Variants in CNMD observed in about 807,000 individuals in gnomAD.
CNMD encodes the protein chondromodulin, also known as leukocyte cell-derived chemotaxin 1.
Under a neutral mutation model 37.5 loss-of-function variants are expected in CNMD, and 30 were observed. That is an observed-to-expected ratio of 0.80 (90% CI 0.60 to 1.09). CNMD has a LOEUF of 1.09. Ranked by LOEUF, CNMD falls within the 50% of genes least tolerant of loss-of-function variation. The pLI is 0.00. For missense variants in CNMD, 398 were observed against 423.9 expected (o/e 0.94, Z 0.54); for synonymous variants, 167 against 148.2 (o/e 1.13, Z -0.92).
intron 4 of CNMD, among the ~76,000 whole-genome samples, chr13:52,713,521 C>T (rs927313308): frequency 2.0e-5 from 3 of 152,274 alleles, no homozygotes; most frequent in African/African-American, 7.2e-5. Context: ...TTGTTCCTTT[C>T]GTGTACTTAT....
At chr13:52,710,738 G>A (rs1188871300) in intron 5 of CNMD, among the ~76,000 whole-genome samples, 1 of 152,100 alleles carries the variant, frequency 6.6e-6, no homozygotes, top group Non-Finnish European at 1.5e-5. Flanking sequence ...TTTCTAATCT[G>A]GGGGCATTGA....
At chr13:52,736,846 G>T (rs1262607275) in intron 2 of CNMD, among the ~76,000 whole-genome samples, 1 of 152,108 alleles carries the variant, frequency 6.6e-6, no homozygotes, top group African/African-American at 2.4e-5. Flanking sequence ...CACAGGGTGG[G>T]GTTGTCAGTT....
rs530862766 is a variant in CNMD, at chr13:52,739,810, C to T, written c.-109G>A. On this transcript the variant is annotated 5_prime_UTR_variant, in exon 1 of 7. It adds an upstream start codon to the 5' untranslated region. Coordinates refer to ENST00000377962, the MANE Select transcript of CNMD (RefSeq NM_007015.3). This position sits in a 1 kb window ranked among gnomAD's most constrained non-coding sequence, Gnocchi z 5.4. Reference sequence around the variant, plus strand: ...CAACGCCGCGCGCACACACGGTGCACGGTCCCGCCTGGGCCAGCCCAGCGG... The same window carrying T: ...CAACGCCGCGCGCACACACGGTGCATGGTCCCGCCTGGGCCAGCCCAGCGG... 5.4e-6 allele frequency: 5 copies of T among 932,734 alleles called. No individual in the cohort carries two copies. The highest frequency in any genetic ancestry group is 8.5e-6 in the Non-Finnish European group (5 of 590,544). 57.8% of individuals were successfully genotyped at this position (932,734 alleles called of 1,614,324 possible). A position where few individuals can be genotyped will look rare whatever the true frequency, so the allele number is the denominator to read the frequency against.
At chr13:52,727,901 G>A (rs572310777) in intron 3 of CNMD, among the ~76,000 whole-genome samples, 8 of 152,238 alleles carry the variant, frequency 5.3e-5, no homozygotes, top group Admixed American at 6.5e-5. Flanking sequence ...GCAGAGTGGG[G>A]TGACTATAGT....
At chr13:52,704,963 G>A (rs533227145) in intron 6 of CNMD, among the ~76,000 whole-genome samples, 1 of 152,256 alleles carries the variant, frequency 6.6e-6, no homozygotes, top group African/African-American at 2.4e-5. Context: ...GGAGGCTGAG[G>A]CAGGAGAATC....
intron 2 of CNMD, among the ~76,000 whole-genome samples, chr13:52,735,229 G>A (rs1364941750): frequency 6.6e-6 from 1 of 152,166 alleles, no homozygotes; most frequent in Admixed American, 6.5e-5. Flanking sequence ...TCCTGCAGGT[G>A]AAGTTTGGAA....
intron 6 of CNMD, among the ~76,000 whole-genome samples, chr13:52,707,000 T>C (rs1328427862): frequency 6.6e-6 from 1 of 152,146 alleles, no homozygotes; most frequent in Non-Finnish European, 1.5e-5. Context: ...TTCAAGTGAT[T>C]CTCCTACCTC....
intron 3 of CNMD, among the ~76,000 whole-genome samples, chr13:52,724,417 CAAAAAAAAAA>C (rs71094319): frequency 3.5e-5 from 3 of 85,818 alleles, no homozygotes; most frequent in Admixed American, 1.6e-4. Context: ...ACTAAAAATA[CAAAAAAAAAA>C]AAAAAAAAAA....
intron 3 of CNMD, among the ~76,000 whole-genome samples, chr13:52,728,496 A>G (rs1428698768): frequency 1.3e-5 from 2 of 152,336 alleles, no homozygotes; most frequent in East Asian, 1.9e-4. Context: ...TAACAAGCCA[A>G]GTGATGCTCC....
At position 52,703,412 on chromosome 13, in the gene CNMD, C is replaced by T. The variant is rs1356370341; in HGVS notation, c.*183G>A. ...TTAGACTTGAACTACCCTTTCAGTA[C>T]ATTTGCATATACTAAAGTTCTGGAA... On this transcript the variant is annotated 3_prime_UTR_variant, in exon 7 of 7. Coordinates refer to ENST00000377962, the MANE Select transcript of CNMD (RefSeq NM_007015.3). The T allele has an allele frequency of 1.8e-5, 10 of 544,234 alleles. No homozygotes were observed. The South Asian group carries it at 1.9e-4, about 10-fold the overall frequency. 33.7% of individuals were successfully genotyped at this position (544,234 alleles called of 1,614,324 possible). A position where few individuals can be genotyped will look rare whatever the true frequency, so the allele number is the denominator to read the frequency against.
At chr13:52,704,627 A>G (rs1234562048) in intron 6 of CNMD, among the ~76,000 whole-genome samples, 1 of 152,098 alleles carries the variant, frequency 6.6e-6, no homozygotes, top group African/African-American at 2.4e-5. Context: ...TATTTTTAAT[A>G]TGGTATTGAA....
rs1312706301 is a variant in CNMD, at chr13:52,703,733, G to T, written c.867C>A (p.Ser289Arg). Residue 289 changes from serine to arginine, a missense_variant, in exon 7 of 7, where the codon AGC becomes AGA. Coordinates refer to ENST00000377962, the MANE Select transcript of CNMD (RefSeq NM_007015.3). ...EGICCIECRR[S>R]YTHCQKICEP... ...CACAGATCTTCTGGCAGTGGGTGTA[G>T]CTCCGCCTACATTCTATACAACAGA... The T allele has an allele frequency of 6.2e-7, 1 of 1,614,182 alleles. No homozygotes were observed. Among genetic ancestry groups the T allele is most frequent in the Non-Finnish European group, 8.5e-7 (1 of 1,180,010 alleles).
At position 52,739,508 on chromosome 13, in the gene CNMD, G is replaced by A. The variant is rs1964847405; in HGVS notation, c.72+122C>T. ...GGGCGACATCCCACCCACACATTTG[G>A]GACCCAAATTTATCCCCCCGCCAAC... On this transcript the variant is annotated intron_variant, in intron 1 of 6. Transcript: ENST00000377962. This position sits in a 1 kb window ranked among gnomAD's most constrained non-coding sequence, Gnocchi z 5.4. 1 of 906,520 alleles carries A rather than the reference G, an allele frequency of 1.1e-6. No individual in the cohort carries two copies. The highest frequency in any genetic ancestry group is 1.9e-5 in the Admixed American group (1 of 52,294). 56.2% of individuals were successfully genotyped at this position (906,520 alleles called of 1,614,324 possible).
intron 2 of CNMD, among the ~76,000 whole-genome samples, chr13:52,733,892 T>A (rs895738827): frequency 1.3e-5 from 2 of 152,318 alleles, no homozygotes; most frequent in East Asian, 1.9e-4. Context: ...AGGCATGCAG[T>A]GTCTCAGGTA....
chr13:52,725,908 G>A (rs74086021), intron 3 of CNMD, among the ~76,000 whole-genome samples: 2,345 of 152,328 alleles, frequency 0.015, 63 homozygotes, highest in African/African-American at 0.054. Context: ...CACAGAGCCA[G>A]GAGCCCTACA....
intron 2 of CNMD, 32 bp downstream of exon 2, chr13:52,738,999 G>C (rs757830909): frequency 3.9e-6 from 6 of 1,538,194 alleles, no homozygotes; most frequent in Non-Finnish European, 5.2e-6. Flanking sequence ...TGGGCGACAC[G>C]GGGGTCCCCG....
chr13:52,714,816 GCT>G (rs1362563951), intron 4 of CNMD, among the ~76,000 whole-genome samples: 50 of 152,046 alleles, frequency 3.3e-4, no homozygotes, highest in Admixed American at 3.0e-3. Context: ...ATTAGCATTA[GCT>G]TTTTGTGGAT....
At chr13:52,737,096 G>A (rs960087385) in intron 2 of CNMD, among the ~76,000 whole-genome samples, 24 of 152,168 alleles carry the variant, frequency 1.6e-4, no homozygotes, top group African/African-American at 5.3e-4. Flanking sequence ...TAGAGGAGCC[G>A]AGGCACAGAT....
intron 2 of CNMD, among the ~76,000 whole-genome samples, chr13:52,733,707 C>T (rs1027158479): frequency 6.6e-6 from 1 of 152,102 alleles, no homozygotes; most frequent in Admixed American, 6.6e-5. Flanking sequence ...GTGGGAAGGG[C>T]GCTTGGGCAT....
Sources: gnomAD v4.1 joint callset for allele counts (sites outside exome capture counted in the v4.1 genomes callset) on GRCh38, gnomAD v4.1.1 for gene constraint, Gnocchi (gnomAD v3.1) non-coding constraint, MANE v1.5 for transcripts, NCBI Gene and HGNC (gene_info 2026-07-23, HGNC 2026-07-21) for gene names.